Variants in NAV1 observed in about 807,000 individuals in gnomAD.
NAV1 encodes neuron navigator 1, also known as pore membrane and/or filament interacting like protein 3.
A neutral mutation model predicts 175.2 loss-of-function variants in NAV1; 18 were observed. That is an observed-to-expected ratio of 0.10 (90% CI 0.07 to 0.15). The LOEUF is 0.15. Ranked by LOEUF, NAV1 falls within the 10% of genes least tolerant of loss-of-function variation. NAV1 has a pLI of 1.00. For missense variants in NAV1, 1,731 were observed against 2,436.6 expected (o/e 0.71, Z 6.10); for synonymous variants, 897 against 978.7 (o/e 0.92, Z 1.56).
rs1230421390 is a variant in NAV1 at position 201,637,514 on chromosome 1, T to C, written c.4+8007T>C. Among the ~76,000 whole-genome samples, 3 of 152,336 alleles carry C rather than the reference T, an allele frequency of 2.0e-5. No homozygotes were observed. The East Asian group carries it at 5.8e-4, about 29-fold the overall frequency. On this transcript the variant is annotated intron_variant, in intron 2 of 29. Transcript: ENST00000367302. ...CACCACAGGTTTGGGCCTTGTGCTT[T>C]TCCTCATCAGGTTTTTGGGTTTGTG...
exon 1 of NAV1, chr1:201,623,019 C>T: frequency 2.0e-6 from 2 of 986,144 alleles, no homozygotes; most frequent in Non-Finnish European, 2.4e-6. Context: ...GCCAGGCCGG[C>T]CTGGCCCTGA....
chr1:201,788,531 C>T lies in NAV1; in HGVS notation c.3059C>T (p.Ala1020Val), dbSNP rs370215728. ...TCCAACAGCATCCCCACCCACGAGGCGGCCTTCGAGCTGTACAGCGGCTCC... is the reference window on the plus strand; with the variant it reads ...TCCAACAGCATCCCCACCCACGAGGTGGCCTTCGAGCTGTACAGCGGCTCC... The change falls in exon 10 of 30, where the codon GCG (alanine) becomes GTG (valine). Residue 1020 changes from alanine to valine, a missense_variant. By Grantham distance (64) the Ala-to-Val change is moderately conservative. Transcript: ENST00000367296. This position sits in a 1 kb window ranked among gnomAD's most constrained non-coding sequence, Gnocchi z 5.7. The T allele has an allele frequency of 8.7e-6, 14 of 1,614,046 alleles. No homozygotes were observed. Among genetic ancestry groups the T allele is most frequent in the East Asian group, 6.7e-5 (3 of 44,896 alleles).
chr1:201,742,618 C>G (rs1372352837), intron 3 of NAV1, among the ~76,000 whole-genome samples: 1 of 152,156 alleles, frequency 6.6e-6, no homozygotes, highest in East Asian at 1.9e-4. Flanking sequence ...CCTAGACTCC[C>G]TCCTGGAAAG....
chr1:201,769,839 T>C (rs1675456315), intron 3 of NAV1, among the ~76,000 whole-genome samples: 3 of 152,216 alleles, frequency 2.0e-5, no homozygotes, highest in Non-Finnish European at 4.4e-5. Flanking sequence ...GAAGAGAAAG[T>C]AGAGTTCCAT....
chr1:201,793,698 T>C (rs950262828), intron 13 of NAV1, 94 bp from the exon 18 acceptor site: 6 of 1,088,492 alleles, frequency 5.5e-6, no homozygotes, highest in African/African-American at 4.6e-5. Flanking sequence ...AGCTCCGAGA[T>C]ACAGGAAATC....
chr1:201,651,319 GA>G (rs1669198082), intron 1 of NAV1, among the ~76,000 whole-genome samples: 1 of 152,084 alleles, frequency 6.6e-6, no homozygotes, highest in African/African-American at 2.4e-5. Context: ...CACTGTCCCA[GA>G]AGCTGACTGC....
In NAV1 at chr1:201,598,963, T is replaced by A. The variant is rs1381496889; in HGVS notation, c.-33+10314T>A. Among the ~76,000 whole-genome samples the A allele has an allele frequency of 2.0e-5, 3 of 152,292 alleles. 1 individual carries two copies. The South Asian group carries it at 6.2e-4, about 32-fold the overall frequency. On this transcript the variant is annotated intron_variant, in intron 2 of 33. Coordinates refer to the NAV1 transcript ENST00000685211. ...CAGATGATCATTATCAGGTGGGGCA[T>A]TGGCATCAGGAAGGAGCTGCCTGTC...
intron 1 of NAV1, among the ~76,000 whole-genome samples, chr1:201,687,390 G>C (rs1049620776): frequency 3.9e-5 from 6 of 152,170 alleles, no homozygotes; most frequent in African/African-American, 1.4e-4. Flanking sequence ...AGAGCTTAAA[G>C]CTGAGGCCCC....
intron 1 of NAV1, among the ~76,000 whole-genome samples, chr1:201,586,511 G>C (rs1348896406): frequency 6.6e-6 from 1 of 152,082 alleles, no homozygotes; most frequent in Non-Finnish European, 1.5e-5. Flanking sequence ...CACAGTTCTG[G>C]AGTCTGGAAG....
intron 13 of NAV1, chr1:201,791,731 T>C (rs923258029): frequency 1.3e-5 from 2 of 152,410 alleles, no homozygotes; most frequent in African/African-American, 4.8e-5. Context: ...CCAACACATT[T>C]CAGCAGCAGT....
chr1:201,608,313 T>C (rs1667747701), intron 2 of NAV1, among the ~76,000 whole-genome samples: 1 of 152,214 alleles, frequency 6.6e-6, no homozygotes, highest in Non-Finnish European at 1.5e-5. Context: ...AGTGTGGCGA[T>C]GAGAGCTGAT....
chr1:201,582,571 G>A (rs887234099), intron 1 of NAV1, among the ~76,000 whole-genome samples: 1 of 152,212 alleles, frequency 6.6e-6, no homozygotes, highest in Non-Finnish European at 1.5e-5. Flanking sequence ...GAATCAGCCA[G>A]CCAGCTCCCC....
intron 29 of NAV1, 130 bp downstream of exon 33, chr1:201,817,415 C>G: frequency 1.3e-6 from 1 of 774,410 alleles, no homozygotes; most frequent in Non-Finnish European, 2.0e-6. Context: ...GAGTTCAAAA[C>G]CAGCCTGGGC....
chr1:201,576,423 T>A (rs1391172145), intron 1 of NAV1, among the ~76,000 whole-genome samples: 1 of 152,228 alleles, frequency 6.6e-6, no homozygotes, highest in African/African-American at 2.4e-5. Flanking sequence ...AGACATGGGT[T>A]GTCTCCAGTT....
chr1:201,752,445 C>T (rs371395984), intron 3 of NAV1, among the ~76,000 whole-genome samples: 59 of 152,256 alleles, frequency 3.9e-4, no homozygotes, highest in Non-Finnish European at 7.6e-4. Flanking sequence ...ATTAAGAGGG[C>T]TTCTTGGGAG....
chr1:201,707,610 A>G (rs1296952798), intron 1 of NAV1, among the ~76,000 whole-genome samples: 2 of 152,150 alleles, frequency 1.3e-5, no homozygotes, highest in Non-Finnish European at 2.9e-5. Context: ...TTGATGAGCA[A>G]TTTCGTAGTC....
At chr1:201,769,448 C>T (rs561187147) in intron 3 of NAV1, among the ~76,000 whole-genome samples, 3 of 152,148 alleles carry the variant, frequency 2.0e-5, no homozygotes, top group Non-Finnish European at 4.4e-5. Flanking sequence ...GCTCTTTTAC[C>T]GCTCTGCCCC....
chr1:201,657,550 C>G (rs930114385), intron 1 of NAV1, among the ~76,000 whole-genome samples: 1 of 152,178 alleles, frequency 6.6e-6, no homozygotes, highest in Admixed American at 6.5e-5. Context: ...GATGTCTGAC[C>G]TGTTCACCCT....
intron 17 of NAV1, 96 bp downstream of exon 21, chr1:201,804,593 AAAAAAAAAAT>A: frequency 8.6e-7 from 1 of 1,159,580 alleles, no homozygotes; most frequent in Non-Finnish European, 1.2e-6. Context: ...AAAAAAAAAA[AAAAAAAAAAT>A]GAATGACCAC....
Sources: gnomAD v4.1 joint callset for allele counts (sites outside exome capture counted in the v4.1 genomes callset) on GRCh38, gnomAD v4.1.1 for gene constraint, Gnocchi (gnomAD v3.1) non-coding constraint, MANE v1.5 for transcripts, NCBI Gene and HGNC (gene_info 2026-07-23, HGNC 2026-07-21) for gene names.